AUTS2: variants seen among roughly 807,000 people sequenced by gnomAD.
AUTS2 encodes activator of transcription and developmental regulator AUTS2.
In AUTS2, 17 loss-of-function variants were observed where a neutral mutation model predicts 112.4. The observed-to-expected ratio is 0.15, with a 90% CI of 0.10 to 0.23. The LOEUF is 0.23. Among genes scored for constraint, AUTS2 ranks in the 10% least tolerant of loss-of-function variants. AUTS2 has a pLI of 1.00. For synonymous variants in AUTS2, 751 were observed against 702.7 expected, an observed-to-expected ratio of 1.07 and a Z score of -1.09; for missense variants, 1,510 against 1,701.6, an observed-to-expected ratio of 0.89 and a Z score of 1.98.
At chr7:70,618,049 A>C (rs1420950351) in intron 5 of AUTS2, among the ~76,000 whole-genome samples, 2 of 152,222 alleles carry the variant, frequency 1.3e-5, no homozygotes, top group Admixed American at 6.5e-5. Context: ...TTTTATGAGG[A>C]ACCTTCGAAG....
At chr7:69,793,448 A>G (rs1317917213) in intron 1 of AUTS2, among the ~76,000 whole-genome samples, 3 of 152,194 alleles carry the variant, frequency 2.0e-5, no homozygotes, top group African/African-American at 7.2e-5. Flanking sequence ...CTAATGATGT[A>G]GACAGTCCTG....
At position 70,310,804 on chromosome 7, in the gene AUTS2, G is replaced by T. The variant is rs1789711819; in HGVS notation, c.661-124948G>T. Among the ~76,000 whole-genome samples, 5 of 152,208 alleles carry T rather than the reference G, an allele frequency of 3.3e-5. No homozygotes were observed. The South Asian group carries it at 6.2e-4, about 19-fold the overall frequency. ...CTCCCTTTTGATGAATTGGCTCCTG[G>T]CTCGGCCTGCAAAAGATAACATGGT... is the stretch of plus-strand genomic sequence containing the variant. On this transcript the variant is annotated intron_variant, in intron 4 of 18. Coordinates refer to ENST00000342771, the MANE Select transcript of AUTS2 (RefSeq NM_015570.4).
rs538265724 is a variant in AUTS2 at position 70,766,662 on chromosome 7, C to T, written c.1689+328C>T. Among the ~76,000 whole-genome samples, 6 of 152,274 alleles carry T rather than the reference C, an allele frequency of 3.9e-5. No individual in the cohort carries two copies. The South Asian group carries it at 6.2e-4, about 16-fold the overall frequency. ...CTTGAACTTCCCGGGGGACTGTCAC[C>T]AGGCAGAAAATGCACCTGCTTGTGC... On this transcript the variant is annotated intron_variant, in intron 9 of 18. Transcript: ENST00000342771. The surrounding 1 kb of genome is among the most constrained non-coding windows in gnomAD (Gnocchi z 4.8).
chr7:69,837,642 T>C (rs1233568312), intron 1 of AUTS2, among the ~76,000 whole-genome samples: 1 of 152,186 alleles, frequency 6.6e-6, no homozygotes, highest in Non-Finnish European at 1.5e-5. Flanking sequence ...ATTTGCTATG[T>C]GTTCTTGCTT....
intron 4 of AUTS2, among the ~76,000 whole-genome samples, chr7:70,215,527 G>A (rs960956018): frequency 1.3e-5 from 2 of 152,136 alleles, no homozygotes; most frequent in Non-Finnish European, 2.9e-5. Context: ...ATTACTCTCC[G>A]GAGAATGTTT....
At chr7:70,271,399 C>T (rs1275303246) in intron 4 of AUTS2, among the ~76,000 whole-genome samples, 2 of 151,986 alleles carry the variant, frequency 1.3e-5, no homozygotes, top group Non-Finnish European at 2.9e-5. Flanking sequence ...ATCAGCAGTG[C>T]TACCTTTCTA....
intron 2 of AUTS2, among the ~76,000 whole-genome samples, chr7:70,063,451 C>A (rs1446420447): frequency 6.6e-6 from 1 of 152,156 alleles, no homozygotes; most frequent in Non-Finnish European, 1.5e-5. Context: ...AGAATCCCAG[C>A]TTTCTCGTAT....
chr7:70,374,106 A>T (rs1792974145), intron 4 of AUTS2, among the ~76,000 whole-genome samples: 2 of 152,220 alleles, frequency 1.3e-5, no homozygotes, highest in South Asian at 4.1e-4. Flanking sequence ...TTCAGTATAC[A>T]TTCTTGATCA....
intron 4 of AUTS2, among the ~76,000 whole-genome samples, chr7:70,338,512 T>C (rs1015775628): frequency 1.3e-5 from 2 of 152,202 alleles, no homozygotes; most frequent in African/African-American, 4.8e-5. Context: ...CATTGTATAA[T>C]TGTTATTATG....
At position 70,127,098 on chromosome 7, in the gene AUTS2, T is replaced by C. The variant is rs902766979; in HGVS notation, c.625-7438T>C. Among the ~76,000 whole-genome samples the C allele has an allele frequency of 4.0e-5, 6 of 150,714 alleles. 1 individual carries two copies. The highest frequency in any genetic ancestry group is 1.5e-5 in the Non-Finnish European group (1 of 67,808). ...CTCCTCGGACTTCCAAAGTGCTGGA[T>C]TACAGGCATAAGACACTGCGCCTGG... On this transcript the variant is annotated intron_variant, in intron 3 of 18. Transcript: ENST00000342771.
intron 2 of AUTS2, among the ~76,000 whole-genome samples, chr7:69,968,329 T>G: frequency 6.6e-6 from 1 of 152,158 alleles, no homozygotes; most frequent in East Asian, 1.9e-4. Flanking sequence ...TGTCAGGGGA[T>G]TATATTTTAT....
At chr7:70,153,101 C>A (rs1246004030) in intron 4 of AUTS2, among the ~76,000 whole-genome samples, 2 of 152,118 alleles carry the variant, frequency 1.3e-5, no homozygotes, top group African/African-American at 4.8e-5. Flanking sequence ...AGCACATGTC[C>A]ATACAAATAT....
At chr7:70,599,950 G>A (rs1803390395) in intron 5 of AUTS2, among the ~76,000 whole-genome samples, 1 of 152,152 alleles carries the variant, frequency 6.6e-6, no homozygotes, top group South Asian at 2.1e-4. Context: ...TCTATTCTGG[G>A]TCACTGGTTC....
intron 1 of AUTS2, among the ~76,000 whole-genome samples, chr7:69,613,470 A>T (rs1793152756): frequency 6.6e-6 from 1 of 152,182 alleles, no homozygotes; most frequent in Admixed American, 6.5e-5. Context: ...CCCGGGTTAT[A>T]CTACTCAGGT....
chr7:70,485,218 A>G (rs752138669), intron 5 of AUTS2, among the ~76,000 whole-genome samples: 2 of 152,220 alleles, frequency 1.3e-5, no homozygotes, highest in Non-Finnish European at 2.9e-5. Flanking sequence ...TTGCAAAAAT[A>G]TGGAATCAAA....
At chr7:69,893,842 C>A (rs1279665419) in intron 1 of AUTS2, among the ~76,000 whole-genome samples, 2 of 152,178 alleles carry the variant, frequency 1.3e-5, no homozygotes, top group Non-Finnish European at 2.9e-5. Flanking sequence ...ATTTGTTACT[C>A]TCCCTTAGTT....
intron 4 of AUTS2, among the ~76,000 whole-genome samples, chr7:70,247,138 G>T (rs1172128301): frequency 6.6e-6 from 1 of 151,972 alleles, no homozygotes; most frequent in Non-Finnish European, 1.5e-5. Flanking sequence ...ACTGATAAAA[G>T]GATAAACAAA....
intron 1 of AUTS2, among the ~76,000 whole-genome samples, chr7:69,727,110 A>G (rs905692611): frequency 1.3e-5 from 2 of 152,096 alleles, no homozygotes; most frequent in African/African-American, 4.8e-5. Context: ...TTATAGAAAT[A>G]TTCATCTTTG....
intron 5 of AUTS2, among the ~76,000 whole-genome samples, chr7:70,551,200 A>C (rs975389896): frequency 6.6e-6 from 1 of 152,140 alleles, no homozygotes; most frequent in African/African-American, 2.4e-5. Context: ...AACCTCCCAC[A>C]CAGAAGAATT....
Sources: allele counts gnomAD v4.1 joint callset (sites outside exome capture counted in the v4.1 genomes callset), GRCh38; gene constraint gnomAD v4.1.1; non-coding constraint Gnocchi (gnomAD v3.1); transcripts MANE v1.5; gene names NCBI Gene and HGNC (gene_info 2026-07-23, HGNC 2026-07-21).